Variants in RAP1GDS1 observed in about 807,000 individuals in gnomAD.
The protein encoded by RAP1GDS1 is Rap1 GTPase-GDP dissociation stimulator 1.
In RAP1GDS1, 35 loss-of-function variants were observed where a neutral mutation model predicts 71.1. The observed-to-expected ratio is 0.49, with a 90% confidence interval of 0.38 to 0.65. The LOEUF (loss-of-function observed/expected upper bound fraction) is 0.65, where lower values mean the gene tolerates loss of function less well. RAP1GDS1 is among the 30% of genes least tolerant of loss of function. The pLI is 0.00. For missense variants in RAP1GDS1, 663 were observed against 706.1 expected (o/e 0.94, Z 0.69); for synonymous variants, 229 against 243.1 (o/e 0.94, Z 0.54).
intron 12 of RAP1GDS1, among the ~76,000 whole-genome samples, chr4:98,424,914 C>G (rs1749402833): frequency 6.6e-6 from 1 of 152,128 alleles, no homozygotes; most frequent in Admixed American, 6.5e-5. Context: ...GCAAAAAGAT[C>G]ATTGCCTAGG....
At chr4:98,279,649 G>A (rs1026391265) in intron 1 of RAP1GDS1, among the ~76,000 whole-genome samples, 2 of 152,016 alleles carry the variant, frequency 1.3e-5, no homozygotes, top group African/African-American at 4.8e-5. Flanking sequence ...TGGGGTACAT[G>A]TGCACAACGT....
At chr4:98,318,779 G>A (rs141581045) in intron 2 of RAP1GDS1, among the ~76,000 whole-genome samples, 1 of 152,292 alleles carries the variant, frequency 6.6e-6, no homozygotes, top group African/African-American at 2.4e-5. Flanking sequence ...AGGACAAAGG[G>A]ATGAGTCACA....
In RAP1GDS1 at chr4:98,417,384, T is replaced by G; in HGVS notation, c.925T>G (p.Leu309Val). 6.2e-7 allele frequency: 1 copy of G among 1,612,728 alleles called. No individual in the cohort carries two copies. Among genetic ancestry groups the G allele is most frequent in the Non-Finnish European group, 8.5e-7 (1 of 1,178,946 alleles). The change falls in exon 9 of 15, where the codon TTA becomes GTA. Residue 309 changes from leucine to valine, a missense_variant. Transcript: ENST00000408927. ...LLLGDESMQK[L>V]FEGGKGSVFQ... ...ACCTCCAGATGAATCCATGCAGAAG[T>G]TATTTGAAGGAGGAAAAGGTAGTGT...
intron 3 of RAP1GDS1, among the ~76,000 whole-genome samples, chr4:98,344,256 C>T (rs543229304): frequency 1.3e-5 from 2 of 152,288 alleles, no homozygotes; most frequent in East Asian, 1.9e-4. Context: ...TTATATGTCA[C>T]ATCTAAGAAG....
At chr4:98,370,344 A>G (rs1377360391) in intron 4 of RAP1GDS1, among the ~76,000 whole-genome samples, 1 of 152,170 alleles carries the variant, frequency 6.6e-6, no homozygotes, top group Non-Finnish European at 1.5e-5. Context: ...AGTGAACTAG[A>G]GAAAACATGT....
intron 7 of RAP1GDS1, among the ~76,000 whole-genome samples, chr4:98,414,628 A>G (rs1474638823): frequency 2.0e-5 from 3 of 148,790 alleles, no homozygotes; most frequent in Admixed American, 6.7e-5. Context: ...GCCTTGTAGT[A>G]TAGTTTGAAG....
intron 1 of RAP1GDS1, among the ~76,000 whole-genome samples, chr4:98,274,714 G>A (rs185894476): frequency 3.7e-4 from 56 of 152,118 alleles, no homozygotes; most frequent in African/African-American, 1.3e-3. Flanking sequence ...TAACTCTTCC[G>A]TGATTTCAAG....
intron 2 of RAP1GDS1, among the ~76,000 whole-genome samples, chr4:98,323,991 T>G (rs1732466721): frequency 6.7e-6 from 1 of 149,340 alleles, no homozygotes; most frequent in Non-Finnish European, 1.5e-5. Context: ...TTGTCCCTGT[T>G]TGCAGACGAC....
intron 2 of RAP1GDS1, among the ~76,000 whole-genome samples, chr4:98,299,789 C>T (rs1051547344): frequency 6.6e-6 from 1 of 151,946 alleles, no homozygotes; most frequent in Non-Finnish European, 1.5e-5. Context: ...CACGCGCCAC[C>T]ATGCCTGGCT....
At chr4:98,306,542 C>T (rs1425597306) in intron 2 of RAP1GDS1, among the ~76,000 whole-genome samples, 1 of 152,214 alleles carries the variant, frequency 6.6e-6, no homozygotes, top group Non-Finnish European at 1.5e-5. Flanking sequence ...ACAGCACCCA[C>T]TATGTCCTGA....
chr4:98,408,564 C>G (rs1213751851), intron 7 of RAP1GDS1, among the ~76,000 whole-genome samples: 1 of 152,048 alleles, frequency 6.6e-6, no homozygotes, highest in Non-Finnish European at 1.5e-5. Context: ...CTAATGAAAC[C>G]TTTATACCAA....
At chr4:98,303,106 A>G (rs999823979) in intron 2 of RAP1GDS1, among the ~76,000 whole-genome samples, 1 of 152,168 alleles carries the variant, frequency 6.6e-6, no homozygotes, top group Non-Finnish European at 1.5e-5. Context: ...CCACATAGCA[A>G]TACAGAATTC....
intron 2 of RAP1GDS1, 137 bp from the exon 3 acceptor site, chr4:98,343,002 G>T (rs539181602): frequency 1.2e-6 from 1 of 836,848 alleles, no homozygotes; most frequent in African/African-American, 1.8e-5. Context: ...TTTGTATAAA[G>T]ACATATATTT....
At chr4:98,375,831 T>C (rs1021364325) in intron 4 of RAP1GDS1, among the ~76,000 whole-genome samples, 1 of 152,086 alleles carries the variant, frequency 6.6e-6, no homozygotes, top group Non-Finnish European at 1.5e-5. Context: ...CGTAGTAAAA[T>C]CCAAAGTTAG....
At chr4:98,324,339 T>C (rs2110348842) in intron 2 of RAP1GDS1, among the ~76,000 whole-genome samples, 1 of 152,264 alleles carries the variant, frequency 6.6e-6, no homozygotes, top group Admixed American at 6.5e-5. Context: ...AAAATGGCCG[T>C]ACTACCCAAG....
intron 2 of RAP1GDS1, among the ~76,000 whole-genome samples, chr4:98,340,527 C>G (rs967263119): frequency 6.6e-6 from 1 of 151,994 alleles, no homozygotes. Flanking sequence ...TGAGGCAGAT[C>G]ACTTGAGGCC....
In RAP1GDS1 at chr4:98,295,311, T is replaced by C. The variant is rs149855575; in HGVS notation, c.112+1796T>C. 1.3e-3 allele frequency among the ~76,000 whole-genome samples: 204 copies of C among 152,194 alleles called. 3 individuals carry two copies. The highest frequency in any genetic ancestry group is 3.8e-3 in the African/African-American group (158 of 41,572). On this transcript the variant is annotated intron_variant, in intron 2 of 14. Transcript: ENST00000408927. Reference sequence around the variant, plus strand: ...CACAAGGTATTAAAACAATAAACTCTCACCAATTTAACTAATGATGCCCCA... The same window carrying C: ...CACAAGGTATTAAAACAATAAACTCCCACCAATTTAACTAATGATGCCCCA...
At chr4:98,357,282 T>TCG (rs1400715227) in intron 4 of RAP1GDS1, among the ~76,000 whole-genome samples, 1 of 151,984 alleles carries the variant, frequency 6.6e-6, no homozygotes, top group African/African-American at 2.4e-5. Context: ...TTTTCTGTGT[T>TCG]ATTCAGTTTT....
intron 2 of RAP1GDS1, among the ~76,000 whole-genome samples, chr4:98,315,447 G>T (rs1031361821): frequency 2.6e-5 from 4 of 152,140 alleles, no homozygotes; most frequent in South Asian, 2.1e-4. Flanking sequence ...TGAAGTAGGG[G>T]TAAGTTTGAT....
Sources: allele counts gnomAD v4.1 joint callset (sites outside exome capture counted in the v4.1 genomes callset), GRCh38; gene constraint gnomAD v4.1.1; transcripts MANE v1.5; gene names NCBI Gene and HGNC (gene_info 2026-07-23, HGNC 2026-07-21).